Variants in PACRG observed in about 807,000 individuals in gnomAD.
The protein encoded by PACRG is parkin coregulated gene protein.
A neutral mutation model predicts 29.7 loss-of-function variants in PACRG; 29 were observed. That is an observed-to-expected ratio of 0.98 (90% CI 0.73 to 1.33). The LOEUF is 1.33. Ranked by LOEUF, PACRG falls within the 40% of genes most tolerant of loss-of-function variation. The probability of loss-of-function intolerance (pLI) is 0.00; values close to 1 mark genes in which losing one functional copy is unlikely to be tolerated. For missense variants in PACRG, 279 were observed against 316.2 expected (o/e 0.88, Z 0.89); for synonymous variants, 116 against 118.7 (o/e 0.98, Z 0.15).
At chr6:163,308,675 A>AG (rs1267807830) in intron 4 of PACRG, among the ~76,000 whole-genome samples, 2 of 151,990 alleles carry the variant, frequency 1.3e-5, no homozygotes, top group Admixed American at 6.6e-5. Context: ...CAAAAAAAAA[A>AG]AAAAGGAAAA....
At chr6:163,037,724 C>T (rs1006187144) in intron 2 of PACRG, among the ~76,000 whole-genome samples, 8 of 152,208 alleles carry the variant, frequency 5.3e-5, no homozygotes, top group Admixed American at 1.3e-4. Context: ...ACAGCACAGA[C>T]GCATGTGCAC....
chr6:163,187,112 C>A (rs1779976861), intron 4 of PACRG, among the ~76,000 whole-genome samples: 2 of 152,224 alleles, frequency 1.3e-5, no homozygotes, highest in Admixed American at 1.3e-4. Flanking sequence ...ATCTGTTTTT[C>A]TCAAAGTCTG....
intron 4 of PACRG, among the ~76,000 whole-genome samples, chr6:163,155,736 A>G (rs1438613707): frequency 6.6e-6 from 1 of 152,184 alleles, no homozygotes. Context: ...TCTCATGCCC[A>G]TTTCAGAAGC....
chr6:163,069,723 A>G (rs577815157), intron 3 of PACRG, among the ~76,000 whole-genome samples: 16 of 152,288 alleles, frequency 1.1e-4, no homozygotes, highest in Middle Eastern at 6.8e-3. Context: ...AAGGCAGAGA[A>G]AGAGATGGGG....
intron 2 of PACRG, among the ~76,000 whole-genome samples, chr6:163,015,788 G>A (rs1436706211): frequency 6.6e-6 from 1 of 152,148 alleles, no homozygotes; most frequent in Admixed American, 6.6e-5. Flanking sequence ...ACCACAAAGA[G>A]CGAAAGTTTG....
intron 1 of PACRG, among the ~76,000 whole-genome samples, chr6:162,729,632 C>G (rs1490568103): frequency 6.6e-6 from 1 of 152,098 alleles, no homozygotes; most frequent in East Asian, 1.9e-4. Flanking sequence ...TCAGCAATAC[C>G]ATAACCATTC....
At chr6:163,173,749 G>T (rs1424382012) in intron 4 of PACRG, among the ~76,000 whole-genome samples, 1 of 152,168 alleles carries the variant, frequency 6.6e-6, no homozygotes, top group Non-Finnish European at 1.5e-5. Flanking sequence ...CACCTCAATG[G>T]GTGTCTGCAA....
At chr6:163,267,134 A>G (rs1783558123) in intron 4 of PACRG, among the ~76,000 whole-genome samples, 1 of 147,208 alleles carries the variant, frequency 6.8e-6, no homozygotes, top group Admixed American at 7.1e-5. Context: ...CTCTTCCTGA[A>G]GCTTTCACAC....
intron 2 of PACRG, among the ~76,000 whole-genome samples, chr6:162,974,049 G>T (rs750123076): frequency 6.6e-6 from 1 of 152,110 alleles, no homozygotes; most frequent in African/African-American, 2.4e-5. Flanking sequence ...TTCTGGAGAA[G>T]AATTTATTGC....
At chr6:163,088,729 C>T (rs1181586815) in intron 3 of PACRG, among the ~76,000 whole-genome samples, 3 of 151,794 alleles carry the variant, frequency 2.0e-5, no homozygotes, top group Admixed American at 1.3e-4. Flanking sequence ...TTTGTGAGGG[C>T]CTAAACGTAG....
At chr6:162,785,106 T>C (rs796165640) in intron 1 of PACRG, among the ~76,000 whole-genome samples, 2 of 152,026 alleles carry the variant, frequency 1.3e-5, no homozygotes, top group African/African-American at 4.8e-5. Flanking sequence ...CAGCTAATTT[T>C]TTTTCAGTTA....
At chr6:162,906,363 G>A (rs1795934580) in intron 2 of PACRG, among the ~76,000 whole-genome samples, 1 of 152,060 alleles carries the variant, frequency 6.6e-6, no homozygotes, top group South Asian at 2.1e-4. Flanking sequence ...AGCATTTTTA[G>A]AGTTTTAGAA....
intron 2 of PACRG, among the ~76,000 whole-genome samples, chr6:162,995,569 A>G (rs1803943382): frequency 6.6e-6 from 1 of 152,098 alleles, no homozygotes; most frequent in Non-Finnish European, 1.5e-5. Context: ...TGCGCTTCCC[A>G]CGTGAGGCAA....
At chr6:163,021,483 T>G (rs914025645) in intron 2 of PACRG, among the ~76,000 whole-genome samples, 1 of 152,226 alleles carries the variant, frequency 6.6e-6, no homozygotes, top group Non-Finnish European at 1.5e-5. Context: ...GCCACCTTCC[T>G]AACTGAGCAA....
intron 2 of PACRG, among the ~76,000 whole-genome samples, chr6:162,998,007 C>T (rs901773328): frequency 1.3e-5 from 2 of 152,162 alleles, no homozygotes; most frequent in African/African-American, 4.8e-5. Context: ...GTTACTTAGC[C>T]TCTCTGGCTT....
At chr6:162,993,045 G>T (rs1196787602) in intron 2 of PACRG, among the ~76,000 whole-genome samples, 1 of 142,744 alleles carries the variant, frequency 7.0e-6, no homozygotes, top group Non-Finnish European at 1.5e-5. Context: ...ATGTAGTTGA[G>T]CGGCTTTGAG....
At chr6:163,090,019 T>C (rs1015611501) in intron 4 of PACRG, among the ~76,000 whole-genome samples, 2 of 152,204 alleles carry the variant, frequency 1.3e-5, no homozygotes, top group African/African-American at 4.8e-5. Flanking sequence ...ATGATGAGTC[T>C]AATTTTCTTT....
In PACRG at chr6:162,755,036, A is replaced by G. The variant is rs187469212; in HGVS notation, c.156+26645A>G. ...CAGTCTTGGAAAGTTCTATGTGTCTAGGAATTTATCCGTTTCTTCTAGATT... is the reference window on the plus strand; with the variant it reads ...CAGTCTTGGAAAGTTCTATGTGTCTGGGAATTTATCCGTTTCTTCTAGATT... On this transcript the variant is annotated intron_variant, in intron 1 of 4. Coordinates refer to ENST00000366888, the MANE Select transcript of PACRG (RefSeq NM_001080379.2). 1.4e-3 allele frequency among the ~76,000 whole-genome samples: 212 copies of G among 152,274 alleles called. 3 individuals are homozygous for G. The highest frequency in any genetic ancestry group is 1.0e-3 in the Non-Finnish European group (70 of 67,998).
intron 4 of PACRG, among the ~76,000 whole-genome samples, chr6:163,130,062 G>A (rs1816673023): frequency 6.6e-6 from 1 of 152,190 alleles, no homozygotes; most frequent in Non-Finnish European, 1.5e-5. Flanking sequence ...GACAAAAGAA[G>A]TAAAAGGAGA....
Sources: allele counts gnomAD v4.1 joint callset (sites outside exome capture counted in the v4.1 genomes callset), GRCh38; gene constraint gnomAD v4.1.1; transcripts MANE v1.5; gene names NCBI Gene and HGNC (gene_info 2026-07-23, HGNC 2026-07-21).